FOXJ3: variants seen among roughly 807,000 people sequenced by gnomAD.
FOXJ3 encodes forkhead box J3, also known as forkhead box protein J3.
FOXJ3 carries 22 observed loss-of-function variants against 76.1 expected under a neutral mutation model. The observed-to-expected ratio is 0.29, with a 90% confidence interval of 0.21 to 0.41. The LOEUF is 0.41. Ranked by LOEUF, FOXJ3 falls within the 10% of genes least tolerant of loss-of-function variation. The pLI is 1.00. For synonymous variants in FOXJ3, 269 were observed against 261.2 expected, an observed-to-expected ratio of 1.03 and a Z score of -0.29; for missense variants, 613 against 762.1, an observed-to-expected ratio of 0.80 and a Z score of 2.30.
chr1:42,279,722 A>C (rs950422220), intron 2 of FOXJ3, among the ~76,000 whole-genome samples: 3 of 152,166 alleles, frequency 2.0e-5, no homozygotes, highest in African/African-American at 7.2e-5. Flanking sequence ...GGGATCAAAG[A>C]AGCAGGAATA....
rs760633434 is a variant in FOXJ3, at chr1:42,181,995, G to T, written c.1675C>A (p.Leu559Ile). Residue 559 changes from leucine (L) to isoleucine (I), a missense_variant, in exon 12 of 13, where the codon CTC becomes ATC. Around this residue, in one of 3 missense-constraint regions of FOXJ3, gnomAD observed 526 missense variants for 601.4 expected, o/e 0.87. Transcript: ENST00000361346. Reference protein sequence around the residue: ...GNLYIDSRQNLPPSVMPPPGY... With the variant: ...GNLYIDSRQNIPPSVMPPPGY... ...GGGGGTGGCATCACTGAAGGAGGGAGATTTTGCCTAGAATCTATGTACAAA... is the reference window on the plus strand; with the variant it reads ...GGGGGTGGCATCACTGAAGGAGGGATATTTTGCCTAGAATCTATGTACAAA... 6.2e-7 allele frequency: 1 copy of T among 1,612,848 alleles called. No homozygotes were observed. The highest frequency in any genetic ancestry group is 1.7e-5 in the Admixed American group (1 of 59,896).
chr1:42,309,615 TG>T (rs1654684693), intron 2 of FOXJ3, among the ~76,000 whole-genome samples: 1 of 152,256 alleles, frequency 6.6e-6, no homozygotes, highest in Non-Finnish European at 1.5e-5. Context: ...TTACATGTTA[TG>T]CTCATTGCTA....
rs1276403512 is a variant in FOXJ3 at position 42,191,652 on chromosome 1, G to A, written c.1002C>T (p.Pro334=). 1 of 1,614,106 alleles carries A rather than the reference G, an allele frequency of 6.2e-7. No homozygotes were observed. Among genetic ancestry groups the A allele is most frequent in the South Asian group, 1.1e-5 (1 of 91,078 alleles). Reference sequence around the variant, plus strand: ...GTGGGTGAGTGCTCACTGTACTGCTGGGAGAGTGCTGATAGGTACATGAAG... The same window carrying A: ...GTGGGTGAGTGCTCACTGTACTGCTAGGAGAGTGCTGATAGGTACATGAAG... ...SHTSCTYQHS[P]SSTVSTHPHS... The change falls in exon 9 of 13, where the codon CCC becomes CCT. Residue 334 remains proline, a synonymous_variant. Coordinates refer to ENST00000361346, the MANE Select transcript of FOXJ3 (RefSeq NM_014947.5).
In FOXJ3 at chr1:42,243,580, A is replaced by T. The variant is rs560076852; in HGVS notation, c.445-15614T>A. Among the ~76,000 whole-genome samples the T allele has an allele frequency of 3.9e-5, 6 of 152,344 alleles. No individual in the cohort carries two copies. In the South Asian group the frequency reaches 1.2e-3, roughly 32 times the overall value. On this transcript the variant is annotated intron_variant, in intron 4 of 12. Coordinates refer to ENST00000361346, the MANE Select transcript of FOXJ3 (RefSeq NM_014947.5). ...AGACTGAAAGTAAAGGAATGGAGAA[A>T]GATATTCCACACAAACAGTAACCAA...
At chr1:42,286,767 G>A (rs2124694953) in intron 2 of FOXJ3, among the ~76,000 whole-genome samples, 1 of 152,080 alleles carries the variant, frequency 6.6e-6, no homozygotes, top group East Asian at 2.0e-4. Flanking sequence ...CCGAGTAGCT[G>A]GGATTACAGG....
intron 4 of FOXJ3, among the ~76,000 whole-genome samples, chr1:42,229,931 T>C (rs1269461196): frequency 6.6e-6 from 1 of 152,232 alleles, no homozygotes; most frequent in African/African-American, 2.4e-5. Flanking sequence ...GGTGTGTATA[T>C]GTGTATTAAT....
chr1:42,309,279 T>C (rs192976298), intron 2 of FOXJ3, among the ~76,000 whole-genome samples: 1 of 152,164 alleles, frequency 6.6e-6, no homozygotes, highest in African/African-American at 2.4e-5. Context: ...CACACTGACC[T>C]CCTCCACTCC....
chr1:42,262,579 C>A (rs1376483330), intron 4 of FOXJ3, among the ~76,000 whole-genome samples: 1 of 152,112 alleles, frequency 6.6e-6, no homozygotes, highest in East Asian at 1.9e-4. Flanking sequence ...CCAGGTGCGG[C>A]AGCTCACGCC....
At chr1:42,190,726 G>T (rs1385447465) in intron 9 of FOXJ3, among the ~76,000 whole-genome samples, 1 of 152,220 alleles carries the variant, frequency 6.6e-6, no homozygotes, top group African/African-American at 2.4e-5. Flanking sequence ...CATTTGCCAT[G>T]ACTAATTTGT....
At chr1:42,185,339 G>A (rs1646413951) in intron 11 of FOXJ3, among the ~76,000 whole-genome samples, 1 of 143,968 alleles carries the variant, frequency 6.9e-6, no homozygotes, top group African/African-American at 2.7e-5. Flanking sequence ...CTCACTGCAA[G>A]CTCTGCCTCC....
At chr1:42,277,334 G>C (rs545742772) in intron 3 of FOXJ3, among the ~76,000 whole-genome samples, 3 of 148,598 alleles carry the variant, frequency 2.0e-5, no homozygotes, top group Non-Finnish European at 4.5e-5. Flanking sequence ...CTCGACCTTG[G>C]GTAACAGAGC....
intron 5 of FOXJ3, among the ~76,000 whole-genome samples, chr1:42,215,598 A>G (rs1227536693): frequency 1.3e-5 from 2 of 152,236 alleles, no homozygotes; most frequent in African/African-American, 4.8e-5. Context: ...CAAATTTAAC[A>G]AATTCAATTA....
chr1:42,217,089 T>C (rs1380636103), intron 5 of FOXJ3, among the ~76,000 whole-genome samples: 1 of 152,202 alleles, frequency 6.6e-6, no homozygotes, highest in Non-Finnish European at 1.5e-5. Flanking sequence ...CTGTCTCTAT[T>C]TGCAGATGAC....
chr1:42,238,616 T>C (rs1337523581), intron 4 of FOXJ3, among the ~76,000 whole-genome samples: 3 of 151,918 alleles, frequency 2.0e-5, no homozygotes, highest in African/African-American at 7.3e-5. Flanking sequence ...TGGAGTGCAA[T>C]GGCACAATCA....
chr1:42,265,743 A>AC (rs1651416486), intron 3 of FOXJ3, among the ~76,000 whole-genome samples: 1 of 152,150 alleles, frequency 6.6e-6, no homozygotes, highest in Non-Finnish European at 1.5e-5. Context: ...GCTCTATTAC[A>AC]AAAAAACATA....
intron 2 of FOXJ3, among the ~76,000 whole-genome samples, chr1:42,298,721 GT>G (rs1326612928): frequency 6.6e-6 from 1 of 151,864 alleles, no homozygotes; most frequent in Non-Finnish European, 1.5e-5. Flanking sequence ...TATTTTTCTA[GT>G]TCCTTGATGT....
At chr1:42,228,316 T>C (rs750783480) in intron 4 of FOXJ3, among the ~76,000 whole-genome samples, 8 of 152,156 alleles carry the variant, frequency 5.3e-5, no homozygotes, top group Non-Finnish European at 7.3e-5. Flanking sequence ...AAAGATACTG[T>C]AGTTTCTATA....
At chr1:42,228,613 T>C (rs1335883439) in intron 4 of FOXJ3, among the ~76,000 whole-genome samples, 1 of 143,462 alleles carries the variant, frequency 7.0e-6, no homozygotes, top group Admixed American at 6.9e-5. Context: ...ATAGATAATA[T>C]AAGTTTGCAA....
intron 4 of FOXJ3, among the ~76,000 whole-genome samples, chr1:42,229,126 A>G (rs2124463393): frequency 6.6e-6 from 1 of 152,254 alleles, no homozygotes; most frequent in African/African-American, 2.4e-5. Context: ...TGACAAACTC[A>G]TATTCCACCT....
Sources: allele counts gnomAD v4.1 joint callset (sites outside exome capture counted in the v4.1 genomes callset), GRCh38; gene constraint gnomAD v4.1.1; regional missense constraint gnomAD v4.1.1; transcripts MANE v1.5; gene names NCBI Gene and HGNC (gene_info 2026-07-23, HGNC 2026-07-21).